The following VASH2 variants were observed in gnomAD, a reference collection of about 807,000 sequenced individuals.
VASH2 encodes tubulinyl-Tyr carboxypeptidase 2.
VASH2 carries 28 observed loss-of-function variants against 37.2 expected under a neutral mutation model. The observed-to-expected ratio is 0.75, with a 90% CI of 0.56 to 1.03. The LOEUF is 1.03. VASH2 is among the 50% of genes least tolerant of loss of function. The pLI is 0.00. For synonymous variants in VASH2, 188 were observed against 174.7 expected (o/e 1.08, Z -0.60); for missense variants, 419 against 459.1 (o/e 0.91, Z 0.80).
chr1:212,973,938 C>T lies in VASH2; in HGVS notation c.880-17C>T, dbSNP rs1388459672. Reference sequence around the variant, plus strand: ...CCCTTAGGAACCAGGGTGATTAACTCCTCACATCTCCTTCAGATCCTGAAA... The same window carrying T: ...CCCTTAGGAACCAGGGTGATTAACTTCTCACATCTCCTTCAGATCCTGAAA... On this transcript the variant is annotated splice_polypyrimidine_tract_variant and intron_variant, in intron 6 of 7. Coordinates refer to ENST00000517399, the MANE Select transcript of VASH2 (RefSeq NM_001301056.2). The T allele has an allele frequency of 2.5e-6, 4 of 1,612,046 alleles. No individual in the cohort carries two copies. The highest frequency in any genetic ancestry group is 2.2e-5 in the East Asian group (1 of 44,828).
At chr1:212,966,449 T>C in intron 5 of VASH2, 104 bp downstream of exon 5, 9 of 951,658 alleles carry the variant, frequency 9.5e-6, no homozygotes, top group Non-Finnish European at 1.5e-5. Flanking sequence ...TGATGCCCAT[T>C]ATCTCCTTTG....
In VASH2 at chr1:212,951,529, G is replaced by A. The variant is rs3123305; in HGVS notation, c.-14G>A. ...GCGCGCCCCCAGTACCTCGCTCCCC[G>A]CCCAGGCCCCACCATGACCGGCTCC... On this transcript the variant is annotated 5_prime_UTR_variant, in exon 2 of 8. Coordinates refer to ENST00000517399, the MANE Select transcript of VASH2 (RefSeq NM_001301056.2). The surrounding 1 kb of genome is among the most constrained non-coding windows in gnomAD (Gnocchi z 4.4). The A allele has an allele frequency of 0.44, 642,622 of 1,455,746 alleles. 148,050 individuals are homozygous for A. Among genetic ancestry groups the A allele is most frequent in the Non-Finnish European group, 0.47 (522,402 of 1,102,350 alleles). The allele number at this position is 1,455,746 out of a possible 1,614,324, so 90.2% of individuals were successfully genotyped here.
In VASH2 at chr1:212,964,421, C is replaced by T. The variant is rs536409502; in HGVS notation, c.366-1301C>T. On this transcript the variant is annotated intron_variant, in intron 3 of 7. Coordinates refer to ENST00000517399, the MANE Select transcript of VASH2 (RefSeq NM_001301056.2). ...AATTCAGGCTTCATTAGCACCTTCC[C>T]GATGTGCACTTTTCCTATAGGCTTT... Among the ~76,000 whole-genome samples, 11 of 152,312 alleles carry T rather than the reference C, an allele frequency of 7.2e-5. No homozygotes were observed. The South Asian group carries it at 1.2e-3, about 17-fold the overall frequency.
chr1:212,986,211 A>G (rs974701124), intron 7 of VASH2, among the ~76,000 whole-genome samples: 10 of 152,376 alleles, frequency 6.6e-5, no homozygotes, highest in African/African-American at 2.4e-4. Context: ...CAAGGAATGC[A>G]TAGGTACTGC....
intron 3 of VASH2, among the ~76,000 whole-genome samples, chr1:212,962,160 T>G (rs186183843): frequency 1.6e-4 from 24 of 152,312 alleles, no homozygotes; most frequent in Admixed American, 1.6e-3. Context: ...ACCAGCTGGT[T>G]TGGTCCCTTT....
At chr1:212,960,795 G>A (rs950945738) in intron 2 of VASH2, among the ~76,000 whole-genome samples, 2 of 152,208 alleles carry the variant, frequency 1.3e-5, no homozygotes, top group African/African-American at 2.4e-5. Flanking sequence ...ATGGAATGCT[G>A]GAATGCTTTC....
chr1:212,975,310 G>A (rs1199903890), intron 7 of VASH2, among the ~76,000 whole-genome samples: 3 of 152,254 alleles, frequency 2.0e-5, no homozygotes, highest in African/African-American at 4.8e-5. Context: ...CCTGGGTTCA[G>A]CAGGTACTGC....
intron 6 of VASH2, chr1:212,973,381 A>G: frequency 7.7e-7 from 1 of 1,291,072 alleles, no homozygotes; most frequent in South Asian, 1.2e-5. Context: ...TCTCAGTTTT[A>G]CCTCCAAAGT....
chr1:212,959,765 C>T (rs1050138694), intron 2 of VASH2, among the ~76,000 whole-genome samples: 2 of 152,236 alleles, frequency 1.3e-5, no homozygotes, highest in African/African-American at 4.8e-5. Flanking sequence ...CCTGGCCTGG[C>T]TGCACAGGGC....
At chr1:212,973,872 G>A in intron 6 of VASH2, 83 bp from the exon 7 acceptor site, 2 of 1,522,582 alleles carry the variant, frequency 1.3e-6, no homozygotes, top group Non-Finnish European at 1.8e-6. Context: ...TTGGGCTGGG[G>A]GGTGGAATGT....
intron 5 of VASH2, chr1:212,967,344 T>G: frequency 8.2e-7 from 1 of 1,224,796 alleles, no homozygotes; most frequent in Non-Finnish European, 1.0e-6. Flanking sequence ...ATTGTGGGGA[T>G]AGACCCAGGA....
At chr1:212,958,723 T>C (rs1179976657) in intron 2 of VASH2, among the ~76,000 whole-genome samples, 1 of 150,622 alleles carries the variant, frequency 6.6e-6, no homozygotes, top group Admixed American at 6.6e-5. Flanking sequence ...GTTTATGTCT[T>C]TTTTTTTTGA....
At chr1:212,970,208 G>C (rs1251870585) in intron 5 of VASH2, among the ~76,000 whole-genome samples, 1 of 152,190 alleles carries the variant, frequency 6.6e-6, no homozygotes, top group African/African-American at 2.4e-5. Context: ...GAAAAGGTCA[G>C]GTTACTCCCC....
Position 212,951,492 on chromosome 1 carries a change from G to C in VASH2, c.-51G>C, listed in dbSNP as rs1320079170. ...GCACACGCCCCCCGCCGCCGCCGCCGCTGCCGCCGCCGCGCGCCCCCAGTA... is the reference window on the plus strand; with the variant it reads ...GCACACGCCCCCCGCCGCCGCCGCCCCTGCCGCCGCCGCGCGCCCCCAGTA... On this transcript the variant is annotated 5_prime_UTR_variant, in exon 2 of 8. Coordinates refer to ENST00000517399, the MANE Select transcript of VASH2 (RefSeq NM_001301056.2). This position sits in a 1 kb window ranked among gnomAD's most constrained non-coding sequence, Gnocchi z 4.4. 8.4e-7 allele frequency: 1 copy of C among 1,186,472 alleles called. No individual in the cohort carries two copies. The highest frequency in any genetic ancestry group is 1.6e-5 in the African/African-American group (1 of 62,446). 73.5% of individuals were successfully genotyped at this position (1,186,472 alleles called of 1,614,324 possible).
chr1:212,965,489 A>T (rs1319251494), intron 3 of VASH2, among the ~76,000 whole-genome samples: 1 of 152,218 alleles, frequency 6.6e-6, no homozygotes, highest in Non-Finnish European at 1.5e-5. Context: ...GAGCAGATTG[A>T]AAAGAGCTAT....
At chr1:212,957,617 CTTTTTT>C (rs1056304168) in intron 2 of VASH2, among the ~76,000 whole-genome samples, 1 of 137,436 alleles carries the variant, frequency 7.3e-6, no homozygotes, top group African/African-American at 2.8e-5. Flanking sequence ...ACAGCTTACA[CTTTTTT>C]TTTTTTTTTT....
At chr1:212,969,292 A>G (rs971657608) in intron 5 of VASH2, 100 of 691,560 alleles carry the variant, frequency 1.4e-4, no homozygotes, top group Non-Finnish European at 1.7e-4. Context: ...TCCCGGGTTC[A>G]CGCCATTCTC....
chr1:212,981,519 G>T (rs1667338665), intron 7 of VASH2, among the ~76,000 whole-genome samples: 1 of 152,190 alleles, frequency 6.6e-6, no homozygotes, highest in Non-Finnish European at 1.5e-5. Context: ...TGGCCCTGGG[G>T]TCTTTGCTTA....
Position 212,950,935 on chromosome 1 carries a change from G to T in VASH2, c.-205+195G>T, listed in dbSNP as rs114438805. On this transcript the variant is annotated intron_variant, in intron 1 of 7. Coordinates refer to ENST00000517399, the MANE Select transcript of VASH2 (RefSeq NM_001301056.2). The surrounding 1 kb of genome is among the most constrained non-coding windows in gnomAD (Gnocchi z 5.5). ...AAGCCAAGGCTGCTGCAGCGCCCTC[G>T]CGCCAGCTCTGGGCGCTCACATGCC... Among the ~76,000 whole-genome samples, 665 of 152,354 alleles carry T rather than the reference G, an allele frequency of 4.4e-3. 4 individuals are homozygous for T. Among genetic ancestry groups the T allele is most frequent in the African/African-American group, 0.015 (626 of 41,582 alleles).
Sources: gnomAD v4.1 joint callset for allele counts (sites outside exome capture counted in the v4.1 genomes callset) on GRCh38, gnomAD v4.1.1 for gene constraint, Gnocchi (gnomAD v3.1) non-coding constraint, MANE v1.5 for transcripts, NCBI Gene and HGNC (gene_info 2026-07-23, HGNC 2026-07-21) for gene names.